Variants in SPIDR observed in about 807,000 individuals in gnomAD.
The protein encoded by SPIDR is scaffold protein involved in DNA repair.
A neutral mutation model predicts 104.6 loss-of-function variants in SPIDR; 93 were observed. The observed-to-expected ratio is 0.89, with a 90% CI of 0.75 to 1.06. The LOEUF (loss-of-function observed/expected upper bound fraction) is 1.06, where lower values mean the gene tolerates loss of function less well. SPIDR is among the 50% of genes least tolerant of loss of function. The pLI is 0.00. For missense variants in SPIDR, 1,154 were observed against 1,111.2 expected, an observed-to-expected ratio of 1.04 and a Z score of -0.55; for synonymous variants, 431 against 416.9, an observed-to-expected ratio of 1.03 and a Z score of -0.41.
chr8:47,538,336 G>A (rs1004103814), intron 8 of SPIDR, among the ~76,000 whole-genome samples: 4 of 152,112 alleles, frequency 2.6e-5, no homozygotes, highest in African/African-American at 9.7e-5. Context: ...CTGAGGTCAG[G>A]AGTTCGAGAC....
intron 7 of SPIDR, among the ~76,000 whole-genome samples, chr8:47,438,479 A>G (rs2068778190): frequency 6.6e-6 from 1 of 152,174 alleles, no homozygotes; most frequent in South Asian, 2.1e-4. Context: ...TGACTTCCAC[A>G]TTATCCTGAT....
intron 5 of SPIDR, among the ~76,000 whole-genome samples, chr8:47,393,754 T>A (rs1211480368): frequency 6.7e-6 from 1 of 149,484 alleles, no homozygotes; most frequent in Non-Finnish European, 1.5e-5. Flanking sequence ...TCTTTCGTTC[T>A]CTTTCTTTCT....
At chr8:47,348,420 T>C (rs1488394319) in intron 5 of SPIDR, among the ~76,000 whole-genome samples, 1 of 152,212 alleles carries the variant, frequency 6.6e-6, no homozygotes, top group Non-Finnish European at 1.5e-5. Flanking sequence ...CTGACAATTA[T>C]GTGTCTTGGA....
intron 7 of SPIDR, among the ~76,000 whole-genome samples, chr8:47,416,813 C>A (rs1011278935): frequency 4.0e-5 from 6 of 150,316 alleles, no homozygotes; most frequent in Non-Finnish European, 7.4e-5. Context: ...GTGTGATGTT[C>A]CCCTTCCTGT....
chr8:47,307,536 T>G (rs1253005413), intron 5 of SPIDR, among the ~76,000 whole-genome samples: 11 of 134,820 alleles, frequency 8.2e-5, no homozygotes, highest in African/African-American at 2.5e-4. Context: ...TCATTTCGTT[T>G]TTTTTTTTTT....
intron 11 of SPIDR, among the ~76,000 whole-genome samples, chr8:47,674,357 A>G (rs1472665254): frequency 6.6e-6 from 1 of 152,168 alleles, no homozygotes; most frequent in Non-Finnish European, 1.5e-5. Flanking sequence ...GCACTTTCCA[A>G]AGTAAGCAAG....
intron 17 of SPIDR, 34 bp downstream of exon 17, chr8:47,727,327 A>T: frequency 6.2e-7 from 1 of 1,600,744 alleles, no homozygotes; most frequent in Non-Finnish European, 8.6e-7. Context: ...AAAGCCCTAG[A>T]ACTGAAAGGG....
chr8:47,372,845 A>G (rs557720578), intron 5 of SPIDR, among the ~76,000 whole-genome samples: 1 of 152,108 alleles, frequency 6.6e-6, no homozygotes, highest in Non-Finnish European at 1.5e-5. Context: ...TGTACCTGAT[A>G]GGTATTTATT....
intron 19 of SPIDR, among the ~76,000 whole-genome samples, 165 bp from the exon 20 acceptor site, chr8:47,735,142 T>C (rs1210420442): frequency 6.6e-6 from 1 of 150,832 alleles, no homozygotes; most frequent in Non-Finnish European, 1.5e-5. Context: ...GTGTAGTGGC[T>C]CTTCATTTGT....
At chr8:47,399,140 G>A (rs978634107) in intron 6 of SPIDR, among the ~76,000 whole-genome samples, 6 of 152,226 alleles carry the variant, frequency 3.9e-5, no homozygotes, top group Non-Finnish European at 7.3e-5. Flanking sequence ...AAAGGTGATA[G>A]AAATTTCATC....
At chr8:47,482,433 CA>C (rs35738557) in intron 8 of SPIDR, among the ~76,000 whole-genome samples, 90 of 147,186 alleles carry the variant, frequency 6.1e-4, no homozygotes, top group African/African-American at 2.0e-3. Context: ...GGCCCTGTCT[CA>C]AAAAAAAAAG....
intron 5 of SPIDR, among the ~76,000 whole-genome samples, chr8:47,371,206 A>G (rs1274982737): frequency 6.6e-6 from 1 of 151,778 alleles, no homozygotes; most frequent in African/African-American, 2.4e-5. Context: ...TGTTGTTTCA[A>G]TTACTGACAC....
intron 8 of SPIDR, among the ~76,000 whole-genome samples, chr8:47,529,531 TAGCC>T (rs2085579104): frequency 6.6e-6 from 1 of 152,032 alleles, no homozygotes; most frequent in Non-Finnish European, 1.5e-5. Context: ...AATAAAACAC[TAGCC>T]CAGACAAAAA....
rs538600467 is a variant in SPIDR, at chr8:47,695,991, A to G, written c.1686-4412A>G. On this transcript the variant is annotated intron_variant, in intron 11 of 19. Coordinates refer to ENST00000297423, the MANE Select transcript of SPIDR (RefSeq NM_001080394.4). ...TCTTCTTGGTCCGCAGCTGATTTCT[A>G]TTGCCCCAGGACTTGCCCCATCCTC... Among the ~76,000 whole-genome samples the G allele has an allele frequency of 3.3e-5, 5 of 152,174 alleles. No homozygotes were observed. In the South Asian group the frequency reaches 6.2e-4, roughly 19 times the overall value.
intron 7 of SPIDR, among the ~76,000 whole-genome samples, chr8:47,432,241 G>C (rs2067488243): frequency 6.6e-6 from 1 of 152,184 alleles, no homozygotes; most frequent in Non-Finnish European, 1.5e-5. Context: ...TTTAGTGCAT[G>C]TTAATGAAAA....
At chr8:47,392,187 G>C (rs1239955128) in intron 5 of SPIDR, among the ~76,000 whole-genome samples, 2 of 152,052 alleles carry the variant, frequency 1.3e-5, no homozygotes, top group Non-Finnish European at 2.9e-5. Context: ...ATTTGAAGAT[G>C]GGGAAACAAC....
chr8:47,419,466 C>A (rs1488732588), intron 7 of SPIDR, among the ~76,000 whole-genome samples: 2 of 151,994 alleles, frequency 1.3e-5, no homozygotes, highest in Admixed American at 6.6e-5. Context: ...GTGGTGATAT[C>A]CCCTTTATCA....
At chr8:47,659,087 G>A (rs1466982457) in intron 10 of SPIDR, among the ~76,000 whole-genome samples, 5 of 151,952 alleles carry the variant, frequency 3.3e-5, no homozygotes, top group Admixed American at 2.0e-4. Flanking sequence ...GCCTAGCCCC[G>A]TCTCTACCAA....
chr8:47,712,715 T>C lies in SPIDR; in HGVS notation c.2031T>C (p.Asp677=). 1 of 1,614,228 alleles carries C rather than the reference T, an allele frequency of 6.2e-7. No homozygotes were observed. Among genetic ancestry groups the C allele is most frequent in the Non-Finnish European group, 8.5e-7 (1 of 1,180,038 alleles). The change falls in exon 15 of 20, where the codon GAT becomes GAC. Residue 677 remains aspartate (D), a synonymous_variant. Coordinates refer to ENST00000297423, the MANE Select transcript of SPIDR (RefSeq NM_001080394.4). The part of the protein sequence containing the change: ...EQREIWLLVT[D]VTLQTKEERD... The stretch of plus-strand genomic sequence containing the variant: ...GGGAGATCTGGCTGCTAGTGACCGA[T>C]GTCACTCTGCAAACGAAGGAGGAGA...
Sources: gnomAD v4.1 joint callset for allele counts (sites outside exome capture counted in the v4.1 genomes callset) on GRCh38, gnomAD v4.1.1 for gene constraint, MANE v1.5 for transcripts, NCBI Gene and HGNC (gene_info 2026-07-23, HGNC 2026-07-21) for gene names.